FSTL5: variants seen among roughly 807,000 people sequenced by gnomAD.
FSTL5 encodes follistatin like 5, also known as follistatin-related protein 5.
A neutral mutation model predicts 89.1 loss-of-function variants in FSTL5; 62 were observed. That is an observed-to-expected ratio of 0.70 (90% CI 0.57 to 0.86). The LOEUF (loss-of-function observed/expected upper bound fraction) is 0.86. FSTL5 is among the 40% of genes least tolerant of loss of function. The pLI is 0.00. For synonymous variants in FSTL5, 383 were observed against 346.2 expected, an observed-to-expected ratio of 1.11 and a Z score of -1.18; for missense variants, 1,057 against 1,001.6, an observed-to-expected ratio of 1.06 and a Z score of -0.75.
intron 3 of FSTL5, among the ~76,000 whole-genome samples, chr4:161,924,415 C>T (rs1286257502): frequency 6.6e-6 from 1 of 150,472 alleles, no homozygotes; most frequent in African/African-American, 2.4e-5. Flanking sequence ...TCAGCTGATA[C>T]TTATAGAGTG....
chr4:161,451,287 A>G (rs1018541585), intron 15 of FSTL5, among the ~76,000 whole-genome samples: 6 of 152,124 alleles, frequency 3.9e-5, no homozygotes, highest in Non-Finnish European at 7.3e-5. Flanking sequence ...ACTAACTTCA[A>G]GTCTGAGAAT....
chr4:161,938,260 C>T (rs932429024), intron 3 of FSTL5, among the ~76,000 whole-genome samples: 2 of 152,102 alleles, frequency 1.3e-5, no homozygotes, highest in East Asian at 1.9e-4. Flanking sequence ...TGTTCAAAAA[C>T]TGTATCATCA....
intron 4 of FSTL5, among the ~76,000 whole-genome samples, chr4:161,896,221 A>G (rs1290880620): frequency 6.6e-6 from 1 of 152,208 alleles, no homozygotes. Flanking sequence ...GAAATATTTC[A>G]TTATTTAATT....
intron 13 of FSTL5, among the ~76,000 whole-genome samples, chr4:161,474,928 T>C (rs191332951): frequency 3.3e-5 from 5 of 152,296 alleles, no homozygotes; most frequent in East Asian, 3.9e-4. Flanking sequence ...ACAAGTCTAA[T>C]TATGGCAAGC....
intron 7 of FSTL5, among the ~76,000 whole-genome samples, chr4:161,621,409 C>A (rs1305450647): frequency 1.3e-5 from 2 of 151,902 alleles, no homozygotes; most frequent in African/African-American, 4.8e-5. Flanking sequence ...ATTTAAGCAG[C>A]AGCTAATACA....
chr4:161,590,799 G>GA, intron 7 of FSTL5, among the ~76,000 whole-genome samples: 1 of 152,312 alleles, frequency 6.6e-6, no homozygotes, highest in South Asian at 2.1e-4. Flanking sequence ...CTAGTGAGAA[G>GA]ATTAAATGGT....
At chr4:162,104,790 C>A (rs547408821) in intron 2 of FSTL5, among the ~76,000 whole-genome samples, 1 of 152,234 alleles carries the variant, frequency 6.6e-6, no homozygotes, top group African/African-American at 2.4e-5. Context: ...AGGATAAAAT[C>A]TCAGACCTTT....
At chr4:162,013,552 G>A (rs916304041) in intron 3 of FSTL5, among the ~76,000 whole-genome samples, 1 of 152,048 alleles carries the variant, frequency 6.6e-6, no homozygotes, top group African/African-American at 2.4e-5. Flanking sequence ...GTAGAATTTG[G>A]GAAGGAAAAA....
intron 6 of FSTL5, among the ~76,000 whole-genome samples, chr4:161,675,056 A>C (rs942669799): frequency 6.6e-6 from 1 of 152,174 alleles, no homozygotes; most frequent in Non-Finnish European, 1.5e-5. Flanking sequence ...AAAAAACAAG[A>C]ATATAGATAA....
intron 7 of FSTL5, among the ~76,000 whole-genome samples, chr4:161,643,411 T>A (rs1736034639): frequency 6.6e-6 from 1 of 152,182 alleles, no homozygotes; most frequent in Non-Finnish European, 1.5e-5. Context: ...CCCTTTCTGA[T>A]TATTCCATAG....
At chr4:161,733,419 G>C (rs1254455104) in intron 6 of FSTL5, among the ~76,000 whole-genome samples, 1 of 151,894 alleles carries the variant, frequency 6.6e-6, no homozygotes, top group Non-Finnish European at 1.5e-5. Flanking sequence ...GTTGGGATAA[G>C]AGTGTTATTT....
At chr4:161,829,241 A>G (rs1376789331) in intron 4 of FSTL5, among the ~76,000 whole-genome samples, 2 of 149,792 alleles carry the variant, frequency 1.3e-5, no homozygotes, top group African/African-American at 4.9e-5. Context: ...ATTTAAATAT[A>G]TGATCTGGTA....
At chr4:161,406,877 A>C (rs1731398638) in intron 15 of FSTL5, among the ~76,000 whole-genome samples, 1 of 152,146 alleles carries the variant, frequency 6.6e-6, no homozygotes, top group Admixed American at 6.5e-5. Context: ...AATTTTAATC[A>C]ATTTTGCCCA....
intron 15 of FSTL5, among the ~76,000 whole-genome samples, chr4:161,407,820 GC>G (rs2110925914): frequency 6.6e-6 from 1 of 152,268 alleles, no homozygotes; most frequent in East Asian, 1.9e-4. Context: ...AGCCTCCACT[GC>G]CCAGCCTGAG....
chr4:161,418,394 A>G (rs1238702993), intron 15 of FSTL5, among the ~76,000 whole-genome samples: 2 of 152,198 alleles, frequency 1.3e-5, no homozygotes, highest in African/African-American at 4.8e-5. Flanking sequence ...ATACAGTACA[A>G]AAGCACTCAG....
intron 4 of FSTL5, among the ~76,000 whole-genome samples, chr4:161,856,015 A>G (rs1731709618): frequency 6.6e-6 from 1 of 152,144 alleles, no homozygotes; most frequent in Admixed American, 6.5e-5. Flanking sequence ...TTAAGGGTTT[A>G]TATGCATCAT....
At chr4:161,992,617 C>A (rs1184773524) in intron 3 of FSTL5, among the ~76,000 whole-genome samples, 7 of 151,232 alleles carry the variant, frequency 4.6e-5, no homozygotes, top group African/African-American at 1.7e-4. Context: ...CCAAGACAGG[C>A]GGATCACTGG....
chr4:161,492,213 G>A (rs752509268), intron 12 of FSTL5, among the ~76,000 whole-genome samples: 5 of 152,074 alleles, frequency 3.3e-5, no homozygotes, highest in Non-Finnish European at 5.9e-5. Flanking sequence ...TTATGTATCT[G>A]TTATGTTATA....
At chr4:161,531,083 C>A (rs1207401684) in intron 10 of FSTL5, among the ~76,000 whole-genome samples, 4 of 152,134 alleles carry the variant, frequency 2.6e-5, no homozygotes, top group Non-Finnish European at 5.9e-5. Context: ...TCTATTAAAT[C>A]TTAGTTATGA....
Sources: allele counts gnomAD v4.1 joint callset (sites outside exome capture counted in the v4.1 genomes callset), GRCh38; gene constraint gnomAD v4.1.1; transcripts MANE v1.5; gene names NCBI Gene and HGNC (gene_info 2026-07-23, HGNC 2026-07-21).